The following ABTB2 variants were observed in gnomAD, a reference collection of about 807,000 sequenced individuals.
The protein encoded by ABTB2 is ankyrin repeat and BTB/POZ domain-containing protein 2.
A neutral mutation model predicts 104.1 loss-of-function variants in ABTB2; 56 were observed. The ratio of observed to expected loss-of-function variants is 0.54; its 90% CI spans 0.43 to 0.67. ABTB2 has a LOEUF of 0.67. ABTB2 is among the 30% of genes least tolerant of loss of function. The pLI is 0.00. For synonymous variants in ABTB2, 606 were observed against 608.2 expected (o/e 1.00, Z 0.05); for missense variants, 1,279 against 1,407.7 (o/e 0.91, Z 1.46).
intron 1 of ABTB2, among the ~76,000 whole-genome samples, chr11:34,317,713 G>A (rs889434216): frequency 2.1e-5 from 3 of 143,552 alleles, no homozygotes; most frequent in Non-Finnish European, 4.5e-5. Context: ...AGTGCACCAA[G>A]ATGTTGTCAC....
At position 34,162,780 on chromosome 11, in the gene ABTB2, G is replaced by C. The variant is rs776403612; in HGVS notation, c.2014C>G (p.Gln672Glu). The C allele has an allele frequency of 1.2e-6, 2 of 1,606,310 alleles. No individual in the cohort carries two copies. Among genetic ancestry groups the C allele is most frequent in the South Asian group, 2.2e-5 (2 of 91,038 alleles). ...HRNVLRKLLTQPQQAKADVLS... is the reference protein window; with the variant it reads ...HRNVLRKLLTEPQQAKADVLS... The stretch of plus-strand genomic sequence containing the variant: ...ACGTCCGCTTTAGCCTGCTGTGGCT[G>C]CGTCAGGAGCTTCCTCAGGACGTTC... Residue 672 changes from glutamine (Q) to glutamate (E), a missense_variant, in exon 10 of 17, where the codon CAG becomes GAG. Physicochemically the swap from Gln to Glu is conservative, Grantham distance 29 (BLOSUM62 2). Transcript: ENST00000435224.
chr11:34,334,986 A>G (rs138967252), intron 1 of ABTB2: 54 of 531,070 alleles, frequency 1.0e-4, no homozygotes, highest in Middle Eastern at 5.1e-4. Context: ...TCACTTACCA[A>G]TGTTGTAAAT....
At chr11:34,340,043 CCAAA>C (rs60959261) in intron 1 of ABTB2, among the ~76,000 whole-genome samples, 23 of 149,442 alleles carry the variant, frequency 1.5e-4, no homozygotes, top group African/African-American at 3.5e-4. Flanking sequence ...CCACCATCCT[CCAAA>C]CAAACAAACA....
At chr11:34,353,184 G>C (rs866361648) in intron 1 of ABTB2, among the ~76,000 whole-genome samples, 2 of 152,176 alleles carry the variant, frequency 1.3e-5, no homozygotes, top group Admixed American at 6.5e-5. Flanking sequence ...GTACACCCTG[G>C]ATACTTCTTT....
intron 1 of ABTB2, among the ~76,000 whole-genome samples, chr11:34,245,711 C>T (rs543208403): frequency 1.3e-5 from 2 of 152,152 alleles, no homozygotes; most frequent in Non-Finnish European, 2.9e-5. Context: ...CTCATACACT[C>T]TGATGTACCC....
chr11:34,238,291 C>T (rs1343773438), intron 1 of ABTB2, among the ~76,000 whole-genome samples: 1 of 152,184 alleles, frequency 6.6e-6, no homozygotes, highest in Admixed American at 6.5e-5. Flanking sequence ...AAATCTCTGA[C>T]CTGTATTTGC....
chr11:34,152,688 C>T (rs1852562091), intron 16 of ABTB2, 104 bp from the exon 17 acceptor site: 12 of 1,155,484 alleles, frequency 1.0e-5, no homozygotes, highest in Middle Eastern at 5.1e-4. Context: ...CTGATTAAGC[C>T]CCACTCTGGC....
chr11:34,346,346 T>C (rs1315652973), intron 1 of ABTB2, among the ~76,000 whole-genome samples: 1 of 152,072 alleles, frequency 6.6e-6, no homozygotes, highest in Admixed American at 6.6e-5. Context: ...ACATGCTATA[T>C]GAAGTCACCT....
intron 3 of ABTB2, among the ~76,000 whole-genome samples, chr11:34,190,462 G>C (rs146569266): frequency 6.6e-6 from 1 of 152,030 alleles, no homozygotes; most frequent in Non-Finnish European, 1.5e-5. Context: ...GTTTACTTCC[G>C]TCTTGCTTTT....
At chr11:34,346,265 C>T (rs1855330251) in intron 1 of ABTB2, among the ~76,000 whole-genome samples, 1 of 147,218 alleles carries the variant, frequency 6.8e-6, no homozygotes, top group Admixed American at 6.6e-5. Context: ...AAGGGTGTAG[C>T]ATATTTAATT....
intron 1 of ABTB2, among the ~76,000 whole-genome samples, chr11:34,211,437 C>T (rs890719135): frequency 5.9e-5 from 9 of 152,082 alleles, no homozygotes; most frequent in African/African-American, 2.2e-4. Flanking sequence ...AAAAAAGCCC[C>T]CAAACCCTTC....
At chr11:34,347,348 A>G (rs186923528) in intron 1 of ABTB2, among the ~76,000 whole-genome samples, 68 of 152,304 alleles carry the variant, frequency 4.5e-4, no homozygotes, top group Non-Finnish European at 4.4e-5. Flanking sequence ...AGGCAGAAGA[A>G]TTGCTTGAAC....
intron 11 of ABTB2, 115 bp downstream of exon 11, chr11:34,160,788 C>T (rs1377251073): frequency 1.1e-5 from 13 of 1,137,102 alleles, no homozygotes; most frequent in East Asian, 2.6e-5. Flanking sequence ...AGTGTGTGTG[C>T]GTTGGGTGAG....
At chr11:34,249,686 C>T (rs545480770) in intron 1 of ABTB2, among the ~76,000 whole-genome samples, 80 of 152,140 alleles carry the variant, frequency 5.3e-4, no homozygotes, top group Non-Finnish European at 8.2e-4. Flanking sequence ...GCTCTGTTGC[C>T]GAGGCTGGAG....
rs1565125437 is a variant in ABTB2, at chr11:34,154,358, C to T, written c.2787G>A (p.Leu929=). The T allele has an allele frequency of 6.2e-7, 1 of 1,613,418 alleles. No individual in the cohort carries two copies. Among genetic ancestry groups the T allele is most frequent in the South Asian group, 1.1e-5 (1 of 90,994 alleles). ...GCCTCTGCAGGGCATCCAGCTGGAA[C>T]AGGCTGGCAGCTGACAGCAGCTGGT... ...DILELLSAAS[L]FQLDALQRHC... is the part of the protein sequence containing the mutation. The change falls in exon 16 of 17, where the codon CTG becomes CTA. Residue 929 remains leucine (L), a synonymous_variant. Transcript: ENST00000435224. This position sits in a 1 kb window ranked among gnomAD's most constrained non-coding sequence, Gnocchi z 4.9.
At chr11:34,238,604 G>T (rs1327867722) in intron 1 of ABTB2, among the ~76,000 whole-genome samples, 2 of 152,142 alleles carry the variant, frequency 1.3e-5, no homozygotes, top group Non-Finnish European at 2.9e-5. Context: ...ACATATATGA[G>T]CCATTAAGTC....
At position 34,357,384 on chromosome 11, in the gene ABTB2, C is replaced by T; in HGVS notation, c.200G>A (p.Ser67Asn). 6.5e-7 allele frequency: 1 copy of T among 1,545,242 alleles called. No homozygotes were observed. The highest frequency in any genetic ancestry group is 8.7e-7 in the Non-Finnish European group (1 of 1,143,154). ...CAGCACCGTGTTCACCGTGTCCCAG[C>T]TGTTGTGGCGGCTGTTCATGGAGCC... ...YSGSMNSRHN[S>N]WDTVNTVLPE... Residue 67 changes from serine (S) to asparagine (N), a missense_variant, in exon 1 of 17, where the codon AGC (serine) becomes AAC (asparagine). By Grantham distance (46) the Ser-to-Asn change is conservative (BLOSUM62 1). Coordinates refer to ENST00000435224, the MANE Select transcript of ABTB2 (RefSeq NM_145804.3).
At chr11:34,275,125 C>A (rs1169995926) in intron 1 of ABTB2, among the ~76,000 whole-genome samples, 2 of 152,210 alleles carry the variant, frequency 1.3e-5, no homozygotes, top group Admixed American at 6.5e-5. Flanking sequence ...TAAGCCCACA[C>A]CACATTGAAT....
At chr11:34,220,969 C>CA (rs1554984108) in intron 1 of ABTB2, among the ~76,000 whole-genome samples, 1 of 143,096 alleles carries the variant, frequency 7.0e-6, no homozygotes, top group Non-Finnish European at 1.5e-5. Context: ...GTGTCCTAAT[C>CA]TTTTTTTTTT....
Sources: gnomAD v4.1 joint callset for allele counts (sites outside exome capture counted in the v4.1 genomes callset) on GRCh38, gnomAD v4.1.1 for gene constraint, Gnocchi (gnomAD v3.1) non-coding constraint, MANE v1.5 for transcripts, NCBI Gene and HGNC (gene_info 2026-07-23, HGNC 2026-07-21) for gene names.